Variants in FAM227A observed in about 807,000 individuals in gnomAD.
FAM227A encodes the protein protein FAM227A.
A neutral mutation model predicts 74.7 loss-of-function variants in FAM227A; 80 were observed. That is an observed-to-expected ratio of 1.07 (90% CI 0.89 to 1.29). The LOEUF is 1.29. Among genes scored for constraint, FAM227A ranks in the 50% most tolerant of loss-of-function variants. FAM227A has a pLI of 0.00. For synonymous variants in FAM227A, 237 were observed against 241.8 expected, an observed-to-expected ratio of 0.98 and a Z score of 0.19; for missense variants, 654 against 683.4, an observed-to-expected ratio of 0.96 and a Z score of 0.48.
chr22:38,625,387 CAAA>C (rs1037434338), intron 9 of FAM227A, among the ~76,000 whole-genome samples: 4 of 75,294 alleles, frequency 5.3e-5, no homozygotes, highest in African/African-American at 9.9e-5. Flanking sequence ...AGATCCGTCT[CAAA>C]AAAAAAAAAA....
In FAM227A at chr22:38,607,454, C is replaced by T; in HGVS notation, c.1061G>A (p.Ser354Asn). The T allele has an allele frequency of 6.4e-7, 1 of 1,551,168 alleles. No homozygotes were observed. The highest frequency in any genetic ancestry group is 8.7e-7 in the Non-Finnish European group (1 of 1,146,724). Residue 354 changes from serine (S) to asparagine (N), a missense_variant, in exon 12 of 17, where the codon AGT becomes AAT. Coordinates refer to ENST00000535113, the MANE Select transcript of FAM227A (RefSeq NM_001013647.2). ...CTGCTTGGCCGAAGAGGTTTTTTCA[C>T]TGGGTGAATTTGCACTAGAAGACTT... ...HPQSSSANSP[S>N]EKTSSAKQNS...
chr22:38,651,130 C>T (rs2092315941), intron 1 of FAM227A, among the ~76,000 whole-genome samples: 1 of 152,160 alleles, frequency 6.6e-6, no homozygotes, highest in Non-Finnish European at 1.5e-5. Context: ...GCTCTTCCTA[C>T]CTCTATGCCT....
At chr22:38,624,824 A>C (rs2091762971) in intron 9 of FAM227A, among the ~76,000 whole-genome samples, 1 of 152,110 alleles carries the variant, frequency 6.6e-6, no homozygotes, top group South Asian at 2.1e-4. Flanking sequence ...TCCAAACTCT[A>C]CCTTTTTCCC....
At chr22:38,649,411 A>G (rs2092290483) in intron 2 of FAM227A, among the ~76,000 whole-genome samples, 1 of 151,746 alleles carries the variant, frequency 6.6e-6, no homozygotes, top group African/African-American at 2.4e-5. Context: ...CTAAAAATAC[A>G]AAAAATTAGC....
rs1008920503 is a variant in FAM227A at position 38,579,906 on chromosome 22, AATTG to A, written c.*6215_*6218del. ...GATCCAAATAATGTCCACATGTTGT[AATTG>A]ATTGATGTCTTTTTTTTTTCTTTTT... On this transcript the variant is annotated 3_prime_UTR_variant, in exon 17 of 17. Coordinates refer to ENST00000535113, the MANE Select transcript of FAM227A (RefSeq NM_001013647.2). 7 of 152,120 alleles carry A rather than the reference AATTG, an allele frequency of 4.6e-5. No homozygotes were observed. The highest frequency in any genetic ancestry group is 1.2e-4 in the African/African-American group (5 of 41,504). 9.4% of individuals were successfully genotyped at this position (152,120 alleles called of 1,614,324 possible).
intron 11 of FAM227A, 125 bp downstream of exon 11, chr22:38,620,087 G>A (rs2091655050): frequency 1.5e-6 from 1 of 659,640 alleles, no homozygotes; most frequent in African/African-American, 1.8e-5. Flanking sequence ...AGAAGATGGA[G>A]TGGACCTGGG....
Position 38,591,451 on chromosome 22 carries a change from G to T in FAM227A, c.1622C>A (p.Pro541His). Reference sequence around the variant, plus strand: ...GAGACTTCCCTTAGTTTTCTTGTCAGGTGATTCCTCATTGACGGCTGAAGG... The same window carrying T: ...GAGACTTCCCTTAGTTTTCTTGTCATGTGATTCCTCATTGACGGCTGAAGG... Reference protein sequence around the residue: ...IPPSAVNEESPDKKTKEGKGG... With the variant: ...IPPSAVNEESHDKKTKEGKGG... The change falls in exon 16 of 17, where the codon CCT becomes CAT. Residue 541 changes from proline to histidine, a missense_variant. Transcript: ENST00000535113. 6.4e-7 allele frequency: 1 copy of T among 1,551,240 alleles called. No homozygotes were observed. The highest frequency in any genetic ancestry group is 8.7e-7 in the Non-Finnish European group (1 of 1,146,724).
chr22:38,593,391 G>C (rs891638349), intron 15 of FAM227A, among the ~76,000 whole-genome samples: 2 of 152,144 alleles, frequency 1.3e-5, no homozygotes, highest in African/African-American at 4.8e-5. Context: ...TGCAGTCCCA[G>C]CTACTTGGGA....
At position 38,638,839 on chromosome 22, in the gene FAM227A, A is replaced by G. The variant is rs755331575; in HGVS notation, c.296-17T>C. The G allele has an allele frequency of 3.4e-5, 51 of 1,504,862 alleles. No homozygotes were observed. The South Asian group carries it at 5.7e-4, about 17-fold the overall frequency. The allele number at this position is 1,504,862 out of a possible 1,614,324, so 93.2% of individuals were successfully genotyped here. A position where few individuals can be genotyped will look rare whatever the true frequency, so the allele number is the denominator to read the frequency against. ...GTCTCTTGACTGCAGAAAAATGGAGAAAGAGATAAATGAGTAACCACAGGG... is the reference window on the plus strand; with the variant it reads ...GTCTCTTGACTGCAGAAAAATGGAGGAAGAGATAAATGAGTAACCACAGGG... On this transcript the variant is annotated splice_polypyrimidine_tract_variant and intron_variant, in intron 4 of 16. Coordinates refer to ENST00000535113, the MANE Select transcript of FAM227A (RefSeq NM_001013647.2).
Position 38,656,183 on chromosome 22 carries a change from C to T in FAM227A, c.-158G>A, listed in dbSNP as rs1178316416. ...TCCCGCCACGGGTCCCTCAGGGGACCCCGCAAAGTTCTGGGTCGGCCCCCG... is the reference window on the plus strand; with the variant it reads ...TCCCGCCACGGGTCCCTCAGGGGACTCCGCAAAGTTCTGGGTCGGCCCCCG... On this transcript the variant is annotated 5_prime_UTR_variant, in exon 1 of 17. Coordinates refer to ENST00000535113, the MANE Select transcript of FAM227A (RefSeq NM_001013647.2). The T allele has an allele frequency of 1.3e-5, 2 of 152,306 alleles. No individual in the cohort carries two copies. The allele number at this position is 152,306 out of a possible 1,614,324, so 9.4% of individuals were successfully genotyped here.
At chr22:38,626,326 G>A (rs1244967218) in intron 8 of FAM227A, 23 bp from the exon 9 acceptor site, 1 of 1,547,276 alleles carries the variant, frequency 6.5e-7, no homozygotes, top group Non-Finnish European at 8.7e-7. Context: ...CCGAGCTCAG[G>A]CAACGTTCTC....
intron 9 of FAM227A, among the ~76,000 whole-genome samples, chr22:38,625,746 C>T (rs963687905): frequency 1.3e-5 from 2 of 152,038 alleles, no homozygotes; most frequent in African/African-American, 2.4e-5. Flanking sequence ...GAGGTTGAGA[C>T]CAGCCTGACC....
chr22:38,628,196 A>T (rs189049518), intron 8 of FAM227A, 42 bp downstream of exon 8: 3 of 1,167,182 alleles, frequency 2.6e-6, no homozygotes, highest in African/African-American at 1.5e-5. Context: ...AATGAACAGA[A>T]ATCTAATGTG....
At chr22:38,631,223 T>G (rs976821410) in intron 6 of FAM227A, among the ~76,000 whole-genome samples, 2 of 152,040 alleles carry the variant, frequency 1.3e-5, no homozygotes, top group African/African-American at 4.8e-5. Context: ...AAGAATGATA[T>G]CGTGTCCTTT....
Position 38,648,857 on chromosome 22 carries a change from C to T in FAM227A, c.142+1170G>A, listed in dbSNP as rs570601054. On this transcript the variant is annotated intron_variant, in intron 2 of 16. Transcript: ENST00000535113. ...ACGTGGTGGTGGGTGCCTGTAATCTCGGCTACTTGGGGGCTGAGGCAGAAG... is the reference window on the plus strand; with the variant it reads ...ACGTGGTGGTGGGTGCCTGTAATCTTGGCTACTTGGGGGCTGAGGCAGAAG... 1.4e-3 allele frequency among the ~76,000 whole-genome samples: 216 copies of T among 150,448 alleles called. 2 individuals carry two copies. Among genetic ancestry groups the T allele is most frequent in the Admixed American group, 5.5e-3 (83 of 15,008 alleles).
At chr22:38,598,960 T>TC (rs894510823) in intron 14 of FAM227A, among the ~76,000 whole-genome samples, 10 of 150,170 alleles carry the variant, frequency 6.7e-5, no homozygotes, top group East Asian at 1.9e-4. Context: ...TTTCTTTCTT[T>TC]TTTTTTTTTT....
At position 38,638,882 on chromosome 22, in the gene FAM227A, G is replaced by T. The variant is rs542325342; in HGVS notation, c.296-60C>A. Reference sequence around the variant, plus strand: ...CCACAGGGTCTGTCCACAGCTGTGCGGTGCTTACAACTGTGCTTTTTCATT... The same window carrying T: ...CCACAGGGTCTGTCCACAGCTGTGCTGTGCTTACAACTGTGCTTTTTCATT... On this transcript the variant is annotated intron_variant, in intron 4 of 16. Transcript: ENST00000535113. The T allele has an allele frequency of 1.6e-4, 174 of 1,116,682 alleles. No individual in the cohort carries two copies. The East Asian group carries it at 4.5e-3, about 29-fold the overall frequency. The allele number at this position is 1,116,682 out of a possible 1,614,324, so 69.2% of individuals were successfully genotyped here.
At chr22:38,626,563 A>G (rs1040662868) in intron 8 of FAM227A, among the ~76,000 whole-genome samples, 1 of 151,616 alleles carries the variant, frequency 6.6e-6, no homozygotes, top group Non-Finnish European at 1.5e-5. Flanking sequence ...TAATTTACAC[A>G]ATCTAAGAAG....
At chr22:38,636,663 C>T (rs1372837184) in intron 5 of FAM227A, 66 bp from the exon 6 acceptor site, 10 of 1,397,546 alleles carry the variant, frequency 7.2e-6, no homozygotes, top group East Asian at 2.5e-5. Flanking sequence ...AATAGGCTAG[C>T]TTCCCCTCTT....
Sources: allele counts gnomAD v4.1 joint callset (sites outside exome capture counted in the v4.1 genomes callset), GRCh38; gene constraint gnomAD v4.1.1; transcripts MANE v1.5; gene names NCBI Gene and HGNC (gene_info 2026-07-23, HGNC 2026-07-21).